IPMK: variants seen among roughly 807,000 people sequenced by gnomAD.
The protein encoded by IPMK is inositol polyphosphate multikinase.
A neutral mutation model predicts 45.8 loss-of-function variants in IPMK; 17 were observed. The observed-to-expected ratio is 0.37, with a 90% CI of 0.25 to 0.56. The LOEUF (loss-of-function observed/expected upper bound fraction) is 0.56. Among genes scored for constraint, IPMK ranks in the 20% least tolerant of loss-of-function variants. The probability of loss-of-function intolerance (pLI) is 0.79; values close to 1 mark genes in which losing one functional copy is unlikely to be tolerated. For missense variants in IPMK, 399 were observed against 498.0 expected (o/e 0.80, Z 1.89); for synonymous variants, 180 against 184.3 (o/e 0.98, Z 0.19).
chr10:58,253,620 C>G (rs962525591), intron 1 of IPMK, among the ~76,000 whole-genome samples: 2 of 151,674 alleles, frequency 1.3e-5, no homozygotes, highest in Non-Finnish European at 2.9e-5. Flanking sequence ...CACTTGTAGT[C>G]CCAGCTACTC....
At chr10:58,203,362 G>A (rs947656174) in intron 4 of IPMK, among the ~76,000 whole-genome samples, 6 of 152,246 alleles carry the variant, frequency 3.9e-5, no homozygotes, top group Non-Finnish European at 8.8e-5. Flanking sequence ...TGTCACCCAG[G>A]CTGGAGTGCA....
At chr10:58,200,826 G>A (rs1837985528) in intron 4 of IPMK, among the ~76,000 whole-genome samples, 1 of 152,162 alleles carries the variant, frequency 6.6e-6, no homozygotes, top group Non-Finnish European at 1.5e-5. Context: ...AGAAATGTCA[G>A]TTGGTTCTTT....
rs1223543810 is a variant in IPMK, at chr10:58,267,603, T to C, written c.9A>G (p.Thr3=). 6.3e-7 allele frequency: 1 copy of C among 1,597,472 alleles called. No individual in the cohort carries two copies. The highest frequency in any genetic ancestry group is 8.5e-7 in the Non-Finnish European group (1 of 1,172,064). Residue 3 remains threonine (T), a synonymous_variant, in exon 1 of 6, where the codon ACA becomes ACG. Transcript: ENST00000373935. MA[T]EPPSPLRVEA... The stretch of plus-strand genomic sequence containing the variant: ...CGACCCGGAGGGGGGATGGTGGCTC[T>C]GTTGCCATAACGGAGAGCAGAAGCG...
intron 4 of IPMK, among the ~76,000 whole-genome samples, chr10:58,201,448 T>G (rs935040114): frequency 6.6e-6 from 1 of 152,206 alleles, no homozygotes; most frequent in African/African-American, 2.4e-5. Context: ...TGTGATTATT[T>G]TGGGATGTCA....
intron 1 of IPMK, among the ~76,000 whole-genome samples, chr10:58,255,897 C>A (rs1245434119): frequency 6.6e-6 from 1 of 152,196 alleles, no homozygotes; most frequent in Non-Finnish European, 1.5e-5. Context: ...GTCTTTACTG[C>A]AATCTCTGAA....
intron 1 of IPMK, among the ~76,000 whole-genome samples, chr10:58,243,880 G>A (rs1352815555): frequency 6.6e-6 from 1 of 151,456 alleles, no homozygotes; most frequent in African/African-American, 2.4e-5. Context: ...TCTGGGAAGT[G>A]AGGAGCGCCT....
intron 3 of IPMK, among the ~76,000 whole-genome samples, chr10:58,226,594 A>G (rs1450464837): frequency 6.6e-6 from 1 of 152,170 alleles, no homozygotes; most frequent in Non-Finnish European, 1.5e-5. Context: ...TATTTAGGTC[A>G]TTTTATTCTC....
intron 1 of IPMK, among the ~76,000 whole-genome samples, chr10:58,247,319 G>T (rs957641987): frequency 2.0e-5 from 3 of 151,286 alleles, no homozygotes; most frequent in Non-Finnish European, 4.4e-5. Context: ...ATACCCAAAG[G>T]ATTATAAATC....
Position 58,267,585 on chromosome 10 carries a change from G to C in IPMK, c.27C>G (p.Leu9=). The change falls in exon 1 of 6, where the codon CTC becomes CTG. Residue 9 remains leucine, a synonymous_variant. Transcript: ENST00000373935. MATEPPSP[L]RVEAPGPPEM... ...CTGGGGGGCCCGGCGCCTCGACCCG[G>C]AGGGGGGATGGTGGCTCTGTTGCCA... 2 of 1,604,822 alleles carry C rather than the reference G, an allele frequency of 1.2e-6. No homozygotes were observed. Among genetic ancestry groups the C allele is most frequent in the South Asian group, 2.2e-5 (2 of 90,190 alleles).
intron 2 of IPMK, 71 bp from the exon 3 acceptor site, chr10:58,227,210 A>G: frequency 8.9e-7 from 1 of 1,129,852 alleles, no homozygotes; most frequent in Non-Finnish European, 1.3e-6. Flanking sequence ...TTTCTCAAAT[A>G]AAATTTATGT....
intron 4 of IPMK, among the ~76,000 whole-genome samples, chr10:58,214,790 G>A (rs762617628): frequency 3.9e-5 from 6 of 152,084 alleles, no homozygotes; most frequent in African/African-American, 1.2e-4. Context: ...TTACCTTCAC[G>A]CATCTAGAAG....
In IPMK at chr10:58,267,649, A is replaced by G; in HGVS notation, c.-38T>C. 1 of 1,416,196 alleles carries G rather than the reference A, an allele frequency of 7.1e-7. No homozygotes were observed. 87.7% of individuals were successfully genotyped at this position (1,416,196 alleles called of 1,614,324 possible). ...AAGCGGTAACGGCAGCGAGAGTAGG[A>G]AAAAAAATAGGGCGAGGGAGGGGGC... On this transcript the variant is annotated 5_prime_UTR_variant, in exon 1 of 6. Coordinates refer to ENST00000373935, the MANE Select transcript of IPMK (RefSeq NM_152230.5).
intron 3 of IPMK, 85 bp from the exon 4 acceptor site, chr10:58,216,402 T>A: frequency 1.8e-6 from 1 of 565,220 alleles, no homozygotes; most frequent in Non-Finnish European, 2.8e-6. Context: ...GATGAGAAAA[T>A]CCTAAAACAG....
rs1837963468 is a variant in IPMK at position 58,199,326 on chromosome 10, C to G, written c.547-5G>C. The G allele has an allele frequency of 1.3e-6, 2 of 1,585,772 alleles. No individual in the cohort carries two copies. Among genetic ancestry groups the G allele is most frequent in the African/African-American group, 1.4e-5 (1 of 73,716 alleles). On this transcript the variant is annotated splice_region_variant and splice_polypyrimidine_tract_variant and intron_variant, in intron 4 of 5. Transcript: ENST00000373935. ...ATCGGAATGAACATGATAAACCTGT[C>G]AAAAAAAGCAGTGAATATTAAAAAG...
intron 1 of IPMK, among the ~76,000 whole-genome samples, chr10:58,244,604 G>A (rs980197282): frequency 6.7e-6 from 1 of 149,738 alleles, no homozygotes; most frequent in African/African-American, 2.4e-5. Flanking sequence ...AAAAGAAAAG[G>A]GGGAAATGTG....
intron 4 of IPMK, chr10:58,212,551 T>G: frequency 4.7e-6 from 1 of 214,284 alleles, no homozygotes; most frequent in Non-Finnish European, 1.1e-5. Context: ...TTTCCATTTC[T>G]GAACCACCCT....
intron 2 of IPMK, among the ~76,000 whole-genome samples, chr10:58,229,294 G>A (rs987557645): frequency 2.6e-5 from 4 of 152,022 alleles, no homozygotes; most frequent in South Asian, 2.1e-4. Context: ...GGTGGCTAAC[G>A]CCTGTAATCC....
chr10:58,202,499 T>C (rs1322178052), intron 4 of IPMK, among the ~76,000 whole-genome samples: 3 of 152,088 alleles, frequency 2.0e-5, no homozygotes, highest in Non-Finnish European at 4.4e-5. Flanking sequence ...ACCCCGTTTC[T>C]ACAAAAAATT....
intron 1 of IPMK, among the ~76,000 whole-genome samples, chr10:58,252,963 C>T (rs1481568952): frequency 1.1e-4 from 16 of 152,122 alleles, no homozygotes; most frequent in African/African-American, 3.9e-4. Flanking sequence ...TCTTAGCATC[C>T]ATTTCCTTCA....
Sources: allele counts gnomAD v4.1 joint callset (sites outside exome capture counted in the v4.1 genomes callset), GRCh38; gene constraint gnomAD v4.1.1; transcripts MANE v1.5; gene names NCBI Gene and HGNC (gene_info 2026-07-23, HGNC 2026-07-21).